RMP24: variants seen among roughly 807,000 people sequenced by gnomAD.
RMP24 encodes the protein ribonuclease MRP protein subunit p24.
chr18:35,978,760 A>C, the RMP24 span: 1,005 of 1,161,842 alleles, frequency 8.7e-4, no homozygotes, highest in Non-Finnish European at 1.1e-3. Flanking sequence ...GTGCATGTAT[A>C]TGGCCATAAT....
chr18:35,978,973 C>CT, the RMP24 span: 1 of 1,610,258 alleles, frequency 6.2e-7, no homozygotes, highest in Non-Finnish European at 8.5e-7. Flanking sequence ...TCAGAAATTT[C>CT]TTATCTTCTC....
chr18:35,978,817 G>T, the RMP24 span: 1 of 1,563,778 alleles, frequency 6.4e-7, no homozygotes, highest in South Asian at 1.2e-5. Context: ...AACTAAGTGT[G>T]GTTTTGTTTC....
At chr18:35,978,684 C>G in the RMP24 span, 3 of 634,850 alleles carry the variant, frequency 4.7e-6, no homozygotes, top group Non-Finnish European at 7.5e-6. Flanking sequence ...TTTTCTCTGT[C>G]AGAAATTCCT....
chr18:35,979,024 T>C, the RMP24 span: 1 of 1,546,720 alleles, frequency 6.5e-7, no homozygotes, highest in Non-Finnish European at 8.7e-7. Context: ...CTGATGTCAA[T>C]TCTGAAACTA....
the RMP24 span, chr18:35,975,142 T>C: frequency 1.3e-6 from 2 of 1,504,546 alleles, no homozygotes; most frequent in Non-Finnish European, 1.8e-6. Context: ...AATTTTCTTT[T>C]CTTTCACTTA....
At chr18:35,973,113 C>G in the RMP24 span, 1 of 669,860 alleles carries the variant, frequency 1.5e-6, no homozygotes, top group Non-Finnish European at 2.6e-6. Flanking sequence ...ACACATTGAT[C>G]AGTCTTGAAA....
At chr18:35,977,105 C>T in the RMP24 span, among the ~76,000 whole-genome samples, 1 of 152,034 alleles carries the variant, frequency 6.6e-6, no homozygotes, top group Non-Finnish European at 1.5e-5. Context: ...GGCGCCTGGT[C>T]TCAGCTACAT....
chr18:35,973,225 G>A, the RMP24 span: 1 of 494,636 alleles, frequency 2.0e-6, no homozygotes, highest in Non-Finnish European at 3.7e-6. Flanking sequence ...CAAGCTTTAA[G>A]TATTGTCGTG....
the RMP24 span, chr18:35,978,765 C>A: frequency 1.4e-6 from 2 of 1,384,362 alleles, no homozygotes; most frequent in South Asian, 1.5e-5. Context: ...TGTATATGGC[C>A]ATAATACAAA....
At chr18:35,973,208 A>C in the RMP24 span, 1 of 520,960 alleles carries the variant, frequency 1.9e-6, no homozygotes, top group Non-Finnish European at 3.5e-6. Context: ...GTTCCTCCTA[A>C]TCTCCCCAAG....
At chr18:35,975,769 G>A in the RMP24 span, among the ~76,000 whole-genome samples, 1 of 152,194 alleles carries the variant, frequency 6.6e-6, no homozygotes. Context: ...CCGGGCACTG[G>A]ACATTATGAC....
the RMP24 span, chr18:35,975,074 CAA>C: frequency 6.2e-7 from 1 of 1,613,012 alleles, no homozygotes; most frequent in Non-Finnish European, 8.5e-7. Flanking sequence ...TGAAAAAGTT[CAA>C]AGACTCCAAA....
the RMP24 span, chr18:35,978,792 G>T: frequency 1.3e-6 from 2 of 1,507,724 alleles, no homozygotes; most frequent in East Asian, 2.3e-5. Flanking sequence ...GAAAATGATT[G>T]TCATTTGTTG....
the RMP24 span, among the ~76,000 whole-genome samples, chr18:35,975,786 T>C: frequency 6.6e-6 from 1 of 152,254 alleles, no homozygotes; most frequent in Non-Finnish European, 1.5e-5. Context: ...TGACAGCTTA[T>C]GTCTGGCCTA....
the RMP24 span, among the ~76,000 whole-genome samples, chr18:35,976,788 T>C: frequency 1.3e-5 from 2 of 152,214 alleles, no homozygotes; most frequent in African/African-American, 4.8e-5. Context: ...TTCCTCCAGA[T>C]GTTAAAGAGT....
chr18:35,973,861 G>A, the RMP24 span: 1 of 152,564 alleles, frequency 6.6e-6, no homozygotes. Flanking sequence ...GGTGGAGGTT[G>A]CAGTGAGCGG....
At chr18:35,974,510 T>A in the RMP24 span, among the ~76,000 whole-genome samples, 1 of 152,194 alleles carries the variant, frequency 6.6e-6, no homozygotes, top group African/African-American at 2.4e-5. Flanking sequence ...GCTAATTATT[T>A]AAAAAAAGAA....
the RMP24 span, chr18:35,972,875 T>C: frequency 2.5e-6 from 4 of 1,614,172 alleles, no homozygotes; most frequent in Non-Finnish European, 3.4e-6. Flanking sequence ...AGTCTCTTTC[T>C]CTTTTACAGC....
the RMP24 span, chr18:35,972,999 C>T: frequency 6.6e-7 from 1 of 1,520,816 alleles, no homozygotes; most frequent in South Asian, 1.1e-5. Flanking sequence ...GATGGACTCA[C>T]TTCCCTCCAT....
Sources: allele counts gnomAD v4.1 joint callset (sites outside exome capture counted in the v4.1 genomes callset), GRCh38; gene constraint gnomAD v4.1.1; transcripts MANE v1.5; gene names NCBI Gene and HGNC (gene_info 2026-07-23, HGNC 2026-07-21).